GALNT10: variants seen among roughly 807,000 people sequenced by gnomAD.
The protein encoded by GALNT10 is polypeptide N-acetylgalactosaminyltransferase 10.
Under a neutral mutation model 75.0 loss-of-function variants are expected in GALNT10, and 41 were observed. That is an observed-to-expected ratio of 0.55 (90% CI 0.43 to 0.71). The LOEUF (loss-of-function observed/expected upper bound fraction) is 0.71, where lower values mean the gene tolerates loss of function less well. Among genes scored for constraint, GALNT10 ranks in the 30% least tolerant of loss-of-function variants. The pLI, the probability that GALNT10 is intolerant of heterozygous loss-of-function variation, is 0.00. For synonymous variants in GALNT10, 302 were observed against 313.0 expected, an observed-to-expected ratio of 0.96 and a Z score of 0.37; for missense variants, 727 against 818.5, an observed-to-expected ratio of 0.89 and a Z score of 1.36.
At chr5:154,380,306 T>G in intron 5 of GALNT10, 142 bp from the exon 6 acceptor site, 1 of 686,870 alleles carries the variant, frequency 1.5e-6, no homozygotes, top group South Asian at 1.8e-5. Flanking sequence ...TGCTTAAAGC[T>G]TGCAGTCTCC....
chr5:154,239,398 C>G (rs897491929), intron 1 of GALNT10, among the ~76,000 whole-genome samples: 11 of 152,186 alleles, frequency 7.2e-5, no homozygotes, highest in African/African-American at 2.7e-4. Flanking sequence ...AGGAGGTGAG[C>G]GGTGGGGCGA....
intron 1 of GALNT10, chr5:154,217,914 TATAA>T: frequency 3.0e-6 from 2 of 677,248 alleles, no homozygotes; most frequent in Non-Finnish European, 3.6e-6. Flanking sequence ...TTGTACTTTC[TATAA>T]ATAAATTGTA....
intron 4 of GALNT10, among the ~76,000 whole-genome samples, chr5:154,353,267 G>A (rs1210926516): frequency 2.0e-5 from 3 of 152,130 alleles, no homozygotes; most frequent in African/African-American, 7.2e-5. Context: ...GCAATTATGA[G>A]CGAAAACAGA....
chr5:154,391,902 C>T (rs1190467205), intron 7 of GALNT10, among the ~76,000 whole-genome samples: 2 of 152,300 alleles, frequency 1.3e-5, no homozygotes, highest in Middle Eastern at 3.4e-3. Flanking sequence ...GTACAAGTCC[C>T]CAGGTTGAGT....
At chr5:154,194,723 C>T (rs1481377638) in intron 1 of GALNT10, among the ~76,000 whole-genome samples, 2 of 152,088 alleles carry the variant, frequency 1.3e-5, no homozygotes, top group African/African-American at 4.8e-5. Flanking sequence ...TGTAACGATG[C>T]TTCCCCTCCC....
chr5:154,330,919 G>A (rs1214342773), intron 4 of GALNT10, among the ~76,000 whole-genome samples: 1 of 93,756 alleles, frequency 1.1e-5, no homozygotes, highest in Non-Finnish European at 2.7e-5. Flanking sequence ...GTGTGTGTGT[G>A]TGTGTGTGTG....
At chr5:154,282,908 G>A (rs1754058622) in intron 1 of GALNT10, among the ~76,000 whole-genome samples, 1 of 152,210 alleles carries the variant, frequency 6.6e-6, no homozygotes. Flanking sequence ...ATATTCAAAT[G>A]ATCATCCAAA....
At chr5:154,312,744 G>A (rs371587059) in intron 3 of GALNT10, among the ~76,000 whole-genome samples, 1 of 152,108 alleles carries the variant, frequency 6.6e-6, no homozygotes, top group East Asian at 1.9e-4. Flanking sequence ...CCTCTTTTAT[G>A]AATCATCAAG....
chr5:154,326,068 A>G (rs1027645936), intron 3 of GALNT10, among the ~76,000 whole-genome samples: 1 of 150,706 alleles, frequency 6.6e-6, no homozygotes, highest in Admixed American at 6.6e-5. Flanking sequence ...ATTTCTACAC[A>G]CTAGCAAAAA....
intron 10 of GALNT10, among the ~76,000 whole-genome samples, chr5:154,414,405 G>C (rs891183007): frequency 6.6e-6 from 1 of 152,114 alleles, no homozygotes; most frequent in African/African-American, 2.4e-5. Flanking sequence ...AATAACAAGC[G>C]ATGAATTATT....
chr5:154,231,640 G>A (rs1753151273), intron 1 of GALNT10, among the ~76,000 whole-genome samples: 1 of 152,112 alleles, frequency 6.6e-6, no homozygotes, highest in South Asian at 2.1e-4. Context: ...AAGTCATTTG[G>A]GGAATACTAC....
chr5:154,247,500 G>A (rs1045503732), intron 1 of GALNT10, among the ~76,000 whole-genome samples: 3 of 152,152 alleles, frequency 2.0e-5, no homozygotes, highest in African/African-American at 7.2e-5. Context: ...GCAGTCGTTT[G>A]TAGTTGTCCT....
chr5:154,361,922 C>A, intron 4 of GALNT10, among the ~76,000 whole-genome samples: 1 of 152,198 alleles, frequency 6.6e-6, no homozygotes, highest in East Asian at 1.9e-4. Context: ...AGCCATGTGG[C>A]ATTGCTGGCA....
intron 4 of GALNT10, among the ~76,000 whole-genome samples, chr5:154,339,316 TCTC>T (rs1754994586): frequency 6.6e-6 from 1 of 152,174 alleles, no homozygotes; most frequent in Non-Finnish European, 1.5e-5. Flanking sequence ...TCGATTCTCT[TCTC>T]CTTTCATATC....
At chr5:154,316,744 A>T (rs1561659222) in intron 3 of GALNT10, among the ~76,000 whole-genome samples, 2 of 152,216 alleles carry the variant, frequency 1.3e-5, no homozygotes, top group African/African-American at 4.8e-5. Flanking sequence ...TCTTGAATAC[A>T]TGAATGATGC....
chr5:154,281,861 C>T (rs1411928859), intron 1 of GALNT10, among the ~76,000 whole-genome samples: 1 of 152,178 alleles, frequency 6.6e-6, no homozygotes, highest in Non-Finnish European at 1.5e-5. Context: ...CATGGAGGCA[C>T]CTCGTGGTCC....
At chr5:154,289,898 T>G (rs1754168305) in intron 1 of GALNT10, among the ~76,000 whole-genome samples, 2 of 152,274 alleles carry the variant, frequency 1.3e-5, no homozygotes, top group African/African-American at 4.8e-5. Flanking sequence ...CCTGACACAC[T>G]GCTTTGTACA....
intron 7 of GALNT10, chr5:154,387,668 T>A: frequency 6.6e-6 from 1 of 152,184 alleles, no homozygotes; most frequent in East Asian, 1.9e-4. Context: ...GAAACGTTAA[T>A]CCTCACAGAG....
chr5:154,357,807 T>A (rs558128867), intron 4 of GALNT10, among the ~76,000 whole-genome samples: 164 of 152,156 alleles, frequency 1.1e-3, no homozygotes, highest in African/African-American at 3.5e-3. Context: ...CCCTCCAACC[T>A]GGGGGCCCGT....
Sources: gnomAD v4.1 joint callset for allele counts (sites outside exome capture counted in the v4.1 genomes callset) on GRCh38, gnomAD v4.1.1 for gene constraint, MANE v1.5 for transcripts, NCBI Gene and HGNC (gene_info 2026-07-23, HGNC 2026-07-21) for gene names.